Variants in CCSER1 observed in about 807,000 individuals in gnomAD.
CCSER1 encodes the protein coiled-coil serine rich protein 1.
Under a neutral mutation model 82.0 loss-of-function variants are expected in CCSER1, and 41 were observed. The observed-to-expected ratio is 0.50, with a 90% CI of 0.39 to 0.65. The LOEUF is 0.65. CCSER1 is among the 30% of genes least tolerant of loss of function. The pLI, the probability that CCSER1 is intolerant of heterozygous loss-of-function variation, is 0.00. For missense variants in CCSER1, 1,119 were observed against 1,064.2 expected (o/e 1.05, Z -0.72); for synonymous variants, 414 against 383.9 (o/e 1.08, Z -0.92).
In CCSER1 at chr4:91,014,075, C is replaced by T. The variant is rs1157422883; in HGVS notation, c.2173-71875C>T. Among the ~76,000 whole-genome samples the T allele has an allele frequency of 6.0e-5, 8 of 133,290 alleles. 2 individuals carry two copies. Among genetic ancestry groups the T allele is most frequent in the Non-Finnish European group, 1.2e-4 (7 of 57,446 alleles). The allele number at this position is 133,290 out of a possible 152,430, so 87.4% of individuals were successfully genotyped here. On this transcript the variant is annotated intron_variant, in intron 9 of 10. Coordinates refer to ENST00000509176, the MANE Select transcript of CCSER1 (RefSeq NM_001145065.2). ...TATATCTTTCATGAATACATAAGCCCGGACATCACTTAATGCTTGGAAGAG... is the reference window on the plus strand; with the variant it reads ...TATATCTTTCATGAATACATAAGCCTGGACATCACTTAATGCTTGGAAGAG...
At chr4:91,066,376 A>C (rs1720814699) in intron 9 of CCSER1, among the ~76,000 whole-genome samples, 1 of 152,216 alleles carries the variant, frequency 6.6e-6, no homozygotes, top group Non-Finnish European at 1.5e-5. Flanking sequence ...AGCACAGAGC[A>C]GTAAACCTTG....
chr4:90,737,369 G>A (rs999660771), intron 7 of CCSER1, among the ~76,000 whole-genome samples: 3 of 151,914 alleles, frequency 2.0e-5, no homozygotes, highest in African/African-American at 4.8e-5. Context: ...TATATATGAG[G>A]ATATCTTTGC....
chr4:90,381,384 A>G (rs1749180971), intron 3 of CCSER1, among the ~76,000 whole-genome samples: 1 of 152,238 alleles, frequency 6.6e-6, no homozygotes, highest in Non-Finnish European at 1.5e-5. Context: ...AACTAATGGT[A>G]TATTTTACGG....
At chr4:90,422,271 G>A (rs1756809975) in intron 4 of CCSER1, among the ~76,000 whole-genome samples, 1 of 152,152 alleles carries the variant, frequency 6.6e-6, no homozygotes, top group Admixed American at 6.5e-5. Context: ...GTGGCCAAGA[G>A]TGCTCAATTC....
intron 3 of CCSER1, 44 bp downstream of exon 3, chr4:90,313,091 T>A: frequency 1.4e-6 from 2 of 1,423,362 alleles, no homozygotes; most frequent in South Asian, 2.4e-5. Flanking sequence ...TAATGCTGTC[T>A]ATATCCGACA....
At position 90,386,911 on chromosome 4, in the gene CCSER1, T is replaced by A. The variant is rs542189936; in HGVS notation, c.1510-13125T>A. Among the ~76,000 whole-genome samples the A allele has an allele frequency of 5.9e-5, 9 of 152,340 alleles. No individual in the cohort carries two copies. In the East Asian group the frequency reaches 1.7e-3, roughly 29 times the overall value. Reference sequence around the variant, plus strand: ...TCCTGCAACTAATATGGTGTTTTTTTATGTCATTTATCAGTAGCTGAAATG... The same window carrying A: ...TCCTGCAACTAATATGGTGTTTTTTAATGTCATTTATCAGTAGCTGAAATG... On this transcript the variant is annotated intron_variant, in intron 3 of 10. Coordinates refer to ENST00000509176, the MANE Select transcript of CCSER1 (RefSeq NM_001145065.2).
chr4:90,703,312 G>T (rs1056565028), intron 6 of CCSER1, among the ~76,000 whole-genome samples: 6 of 152,178 alleles, frequency 3.9e-5, no homozygotes, highest in African/African-American at 1.4e-4. Context: ...CTGAGTTCTA[G>T]TTTTATTGCA....
intron 5 of CCSER1, among the ~76,000 whole-genome samples, chr4:90,556,708 A>G (rs994740488): frequency 6.6e-6 from 1 of 151,944 alleles, no homozygotes; most frequent in Non-Finnish European, 1.5e-5. Flanking sequence ...GTGGATCATC[A>G]TAAAGGTTTT....
chr4:90,270,667 T>G (rs1330468958), intron 1 of CCSER1, among the ~76,000 whole-genome samples: 1 of 151,048 alleles, frequency 6.6e-6, no homozygotes, highest in Non-Finnish European at 1.5e-5. Flanking sequence ...ACTGTCTGAT[T>G]GAAAGAAATA....
intron 3 of CCSER1, among the ~76,000 whole-genome samples, chr4:90,356,161 A>G (rs1288345229): frequency 6.6e-6 from 1 of 151,924 alleles, no homozygotes; most frequent in African/African-American, 2.4e-5. Context: ...AACTTACAGT[A>G]TATCAAACAC....
chr4:90,775,825 A>G (rs1188051690), intron 7 of CCSER1, among the ~76,000 whole-genome samples: 2 of 152,006 alleles, frequency 1.3e-5, no homozygotes, highest in East Asian at 1.9e-4. Context: ...ATTTAAAAAT[A>G]CGACCACTTT....
intron 1 of CCSER1, among the ~76,000 whole-genome samples, chr4:90,232,063 A>C (rs1187498852): frequency 3.9e-5 from 6 of 152,308 alleles, no homozygotes; most frequent in Middle Eastern, 3.4e-3. Context: ...TAATTTATAG[A>C]TTCAATGCCA....
At chr4:90,290,702 T>C (rs954949280) in intron 1 of CCSER1, among the ~76,000 whole-genome samples, 1 of 151,938 alleles carries the variant, frequency 6.6e-6, no homozygotes, top group Non-Finnish European at 1.5e-5. Context: ...AATTAATATT[T>C]TCTGTATTTC....
intron 10 of CCSER1, among the ~76,000 whole-genome samples, chr4:91,588,269 G>T (rs1764103652): frequency 6.6e-6 from 1 of 151,240 alleles, no homozygotes; most frequent in Non-Finnish European, 1.5e-5. Flanking sequence ...AATAGCCTTA[G>T]ATTTTTTTTT....
intron 1 of CCSER1, among the ~76,000 whole-genome samples, chr4:90,246,742 A>G (rs1034270937): frequency 6.6e-6 from 1 of 152,214 alleles, no homozygotes; most frequent in African/African-American, 2.4e-5. Flanking sequence ...AGAGATTAAC[A>G]ATAACTAATA....
At chr4:90,980,650 G>T (rs1317469004) in intron 9 of CCSER1, among the ~76,000 whole-genome samples, 1 of 151,624 alleles carries the variant, frequency 6.6e-6, no homozygotes, top group Non-Finnish European at 1.5e-5. Context: ...CTCTTATTTT[G>T]TAATGGTGAG....
chr4:90,825,974 G>A (rs1760380016), intron 8 of CCSER1, among the ~76,000 whole-genome samples: 1 of 152,050 alleles, frequency 6.6e-6, no homozygotes, highest in African/African-American at 2.4e-5. Context: ...ACAGGCCTGA[G>A]TCACCGCACT....
chr4:91,466,025 C>T (rs893492405), intron 10 of CCSER1, among the ~76,000 whole-genome samples: 1 of 152,142 alleles, frequency 6.6e-6, no homozygotes, highest in African/African-American at 2.4e-5. Flanking sequence ...CATCCTGATA[C>T]CAAAGCCTGG....
intron 4 of CCSER1, among the ~76,000 whole-genome samples, chr4:90,455,379 T>A (rs1213066979): frequency 6.6e-6 from 1 of 152,148 alleles, no homozygotes; most frequent in Admixed American, 6.5e-5. Flanking sequence ...TTAAAGATGG[T>A]TGTTTACCCT....
Sources: allele counts gnomAD v4.1 joint callset (sites outside exome capture counted in the v4.1 genomes callset), GRCh38; gene constraint gnomAD v4.1.1; transcripts MANE v1.5; gene names NCBI Gene and HGNC (gene_info 2026-07-23, HGNC 2026-07-21).